P2RX1: variants seen among roughly 807,000 people sequenced by gnomAD.
The protein encoded by P2RX1 is P2X purinoceptor 1.
Under a neutral mutation model 50.3 loss-of-function variants are expected in P2RX1, and 42 were observed. The ratio of observed to expected loss-of-function variants is 0.83; its 90% CI spans 0.65 to 1.08. The LOEUF is 1.08. Among genes scored for constraint, P2RX1 ranks in the 50% least tolerant of loss-of-function variants. The pLI is 0.00. For missense variants in P2RX1, 449 were observed against 529.0 expected (o/e 0.85, Z 1.48); for synonymous variants, 199 against 202.6 (o/e 0.98, Z 0.15).
At chr17:3,913,412 C>T (rs951496826) in intron 1 of P2RX1, among the ~76,000 whole-genome samples, 6 of 152,198 alleles carry the variant, frequency 3.9e-5, no homozygotes, top group Non-Finnish European at 7.3e-5. Context: ...CAGGCATGAG[C>T]CACTGTGCCC....
At chr17:3,901,772 G>A (rs150809429) in intron 7 of P2RX1, among the ~76,000 whole-genome samples, 12 of 152,132 alleles carry the variant, frequency 7.9e-5, no homozygotes, top group Middle Eastern at 3.4e-3. Context: ...GCCAGGCAGC[G>A]AGGCACGCCA....
chr17:3,915,909 G>T, intron 1 of P2RX1, 180 bp downstream of exon 1: 1 of 795,810 alleles, frequency 1.3e-6, no homozygotes, highest in Non-Finnish European at 2.1e-6. Context: ...CTCCGGCCTC[G>T]TCCCCATCTC....
At position 3,914,640 on chromosome 17, in the gene P2RX1, G is replaced by GGCCC. The variant is rs1193785157; in HGVS notation, c.137+1445_137+1448dup. Among the ~76,000 whole-genome samples the GGCCC allele has an allele frequency of 9.9e-5, 15 of 152,134 alleles. No homozygotes were observed. The highest frequency in any genetic ancestry group is 2.1e-4 in the Non-Finnish European group (14 of 68,022). ...GGAGTGATACTAAGGGTGGACTTCC[G>GGCCC]GCCCGTCCTGTACCTGGCATCCCAC... is the stretch of plus-strand genomic sequence containing the variant. On this transcript the variant is annotated intron_variant, in intron 1 of 11. Transcript: ENST00000225538. This position sits in a 1 kb window ranked among gnomAD's most constrained non-coding sequence, Gnocchi z 4.1.
At chr17:3,904,110 G>C in intron 4 of P2RX1, 86 bp from the exon 5 acceptor site, 1 of 1,177,478 alleles carries the variant, frequency 8.5e-7, no homozygotes, top group East Asian at 2.4e-5. Flanking sequence ...CCAGTGACGG[G>C]CCACTCAAGC....
At position 3,916,167 on chromosome 17, in the gene P2RX1, C is replaced by CG. The variant is rs35715771; in HGVS notation, c.58dup (p.Arg20ProfsTer7). ...CTTCTTATTACGCACCAGCACCATG[C>CG]GGGGGGTGTCATACTCGAAGAGGAA... On this transcript the variant is annotated frameshift_variant, in exon 1 of 12. Transcript: ENST00000225538. LOFTEE classifies it high-confidence loss of function. The CG allele has an allele frequency of 6.2e-7, 1 of 1,613,432 alleles. No individual in the cohort carries two copies. The highest frequency in any genetic ancestry group is 1.3e-5 in the African/African-American group (1 of 75,046).
chr17:3,908,201 C>T lies in P2RX1; in HGVS notation c.138-2834G>A, dbSNP rs1215354364. ...CGGGGCTGATGCACCTTGGAGCTGC[C>T]GGTCTTGAGGTCGAAGGGAAAGGTC... On this transcript the variant is annotated intron_variant, in intron 1 of 11. Coordinates refer to ENST00000225538, the MANE Select transcript of P2RX1 (RefSeq NM_002558.4). 3.0e-4 allele frequency among the ~76,000 whole-genome samples: 45 copies of T among 152,284 alleles called. 1 individual carries two copies. Among genetic ancestry groups the T allele is most frequent in the African/African-American group, 7.2e-5 (3 of 41,568 alleles).
rs184592924 is a variant in P2RX1 at position 3,901,288 on chromosome 17, C to T, written c.748-1527G>A. 1.8e-3 allele frequency among the ~76,000 whole-genome samples: 278 copies of T among 152,330 alleles called. 2 individuals are homozygous for T. Among genetic ancestry groups the T allele is most frequent in the African/African-American group, 6.0e-3 (249 of 41,576 alleles). On this transcript the variant is annotated intron_variant, in intron 7 of 11. Coordinates refer to ENST00000225538, the MANE Select transcript of P2RX1 (RefSeq NM_002558.4). ...TTCACCGTGTTAGCCAGGATGGTCT[C>T]GATCTCCTGACCTCGTGATCCGCCC...
In P2RX1 at chr17:3,903,374, G is replaced by A. The variant is rs541811452; in HGVS notation, c.606-31C>T. The A allele has an allele frequency of 3.1e-6, 5 of 1,613,564 alleles. No homozygotes were observed. The African/African-American group carries it at 6.7e-5, about 21-fold the overall frequency. On this transcript the variant is annotated intron_variant, in intron 6 of 11. Coordinates refer to ENST00000225538, the MANE Select transcript of P2RX1 (RefSeq NM_002558.4). This position sits in a 1 kb window ranked among gnomAD's most constrained non-coding sequence, Gnocchi z 4.6. ...GGGGTGGAAGGTGTTGACAGCTGCT[G>A]TGTGTCATCCGGGAGGGTGCCCACC...
At chr17:3,904,637 C>G (rs2056224972) in intron 3 of P2RX1, 2 of 627,602 alleles carry the variant, frequency 3.2e-6, no homozygotes, top group East Asian at 5.5e-5. Context: ...GGGGTGGGCA[C>G]GAAGTCTCGG....
In P2RX1 at chr17:3,903,993, G is replaced by A. The variant is rs778602969; in HGVS notation, c.459C>T (p.Asn153=). Residue 153 remains asparagine (N), a synonymous_variant, in exon 5 of 12, where the codon AAC becomes AAT. Transcript: ENST00000225538. This position sits in a 1 kb window ranked among gnomAD's most constrained non-coding sequence, Gnocchi z 4.6. ...AGATCTCACACGTCTTCACAGTGTC[G>A]TTGAAGGCCACACACTTGCCCGTGC... The part of the protein sequence containing the change: ...GIRTGKCVAF[N]DTVKTCEIFG... 37 of 1,614,074 alleles carry A rather than the reference G, an allele frequency of 2.3e-5. No individual in the cohort carries two copies. Among genetic ancestry groups the A allele is most frequent in the South Asian group, 1.3e-4 (12 of 91,088 alleles).
chr17:3,902,004 C>T (rs1237195504), intron 7 of P2RX1, among the ~76,000 whole-genome samples: 2 of 152,222 alleles, frequency 1.3e-5, no homozygotes, highest in Non-Finnish European at 2.9e-5. Context: ...GATTTGAACC[C>T]GGTCAGCTAG....
At chr17:3,901,048 G>C (rs1672930161) in intron 7 of P2RX1, among the ~76,000 whole-genome samples, 1 of 152,128 alleles carries the variant, frequency 6.6e-6, no homozygotes, top group Non-Finnish European at 1.5e-5. Context: ...GAAGTTCCCA[G>C]TTGAAGATGG....
At position 3,905,087 on chromosome 17, in the gene P2RX1, G is replaced by A. The variant is rs2056237172; in HGVS notation, c.285+133C>T. The A allele has an allele frequency of 7.7e-6, 10 of 1,302,852 alleles. No individual in the cohort carries two copies. The South Asian group carries it at 1.3e-4, about 16-fold the overall frequency. The allele number at this position is 1,302,852 out of a possible 1,614,324, so 80.7% of individuals were successfully genotyped here. ...CAACATGGGGTGATATCACCAGGCTGCTTCTGCCCGGCATTCACAGAGGTC... is the reference window on the plus strand; with the variant it reads ...CAACATGGGGTGATATCACCAGGCTACTTCTGCCCGGCATTCACAGAGGTC... On this transcript the variant is annotated intron_variant, in intron 2 of 11. Transcript: ENST00000225538.
chr17:3,916,270 T>C lies in P2RX1; in HGVS notation c.-45A>G, dbSNP rs758276857. The C allele has an allele frequency of 2.5e-6, 4 of 1,603,042 alleles. No homozygotes were observed. Among genetic ancestry groups the C allele is most frequent in the Non-Finnish European group, 2.6e-6 (3 of 1,174,098 alleles). On this transcript the variant is annotated 5_prime_UTR_variant, in exon 1 of 12. Transcript: ENST00000225538. ...AGAACTGAGCCCCCTGCACGGCCTC[T>C]GCTCTCAGGGTGAGCCGGGTGCCAC... is the stretch of plus-strand genomic sequence containing the variant.
At position 3,914,153 on chromosome 17, in the gene P2RX1, C is replaced by T. The variant is rs1354892389; in HGVS notation, c.137+1936G>A. Among the ~76,000 whole-genome samples the T allele has an allele frequency of 6.6e-6, 1 of 152,196 alleles. No homozygotes were observed. The highest frequency in any genetic ancestry group is 1.5e-5 in the Non-Finnish European group (1 of 68,044). ...TGTGACGTGGGCAGGCCAGTGCCCT[C>T]TCTCTGAGGAGGTTGCCTTTCCAGA... On this transcript the variant is annotated intron_variant, in intron 1 of 11. Transcript: ENST00000225538. The surrounding 1 kb of genome is among the most constrained non-coding windows in gnomAD (Gnocchi z 4.1).
rs375360882 is a variant in P2RX1, at chr17:3,898,994, G to A, written c.906C>T (p.Thr302=). 4 of 1,613,230 alleles carry A rather than the reference G, an allele frequency of 2.5e-6. No homozygotes were observed. The highest frequency in any genetic ancestry group is 3.4e-6 in the Non-Finnish European group (4 of 1,179,796). ...ACACCTTGAAGAGGTGACGGTAGTT[G>A]GTCCCGTTCTCCACAAAGTGCCTGG... ...RFARHFVENG[T]NYRHLFKVFG... Residue 302 remains threonine (T), a synonymous_variant, in exon 9 of 12, where the codon ACC becomes ACT. Transcript: ENST00000225538.
chr17:3,897,402 T>C lies in P2RX1; in HGVS notation c.*412A>G. On this transcript the variant is annotated 3_prime_UTR_variant, in exon 12 of 12. Coordinates refer to ENST00000225538, the MANE Select transcript of P2RX1 (RefSeq NM_002558.4). ...TTCAGCCGAGGAATTGAATTTTGTGTTTCATTCTATTTTATTTTAGTTTAA... is the reference window on the plus strand; with the variant it reads ...TTCAGCCGAGGAATTGAATTTTGTGCTTCATTCTATTTTATTTTAGTTTAA... 3.6e-6 allele frequency: 1 copy of C among 276,638 alleles called. No homozygotes were observed. Among genetic ancestry groups the C allele is most frequent in the Non-Finnish European group, 7.2e-6 (1 of 138,984 alleles). The allele number at this position is 276,638 out of a possible 1,614,324, so 17.1% of individuals were successfully genotyped here. A position where few individuals can be genotyped will look rare whatever the true frequency, so the allele number is the denominator to read the frequency against.
At position 3,899,027 on chromosome 17, in the gene P2RX1, TG is replaced by T; in HGVS notation, c.876-4del. ...TCTCCACAAAGTGCCTGGCAAACCT[TG>T]GGGAAGGGATGAGGTGGCAGGAGGG... On this transcript the variant is annotated splice_region_variant and splice_polypyrimidine_tract_variant and intron_variant, in intron 8 of 11. Coordinates refer to ENST00000225538, the MANE Select transcript of P2RX1 (RefSeq NM_002558.4). 2.5e-6 allele frequency: 4 copies of T among 1,609,712 alleles called. No homozygotes were observed. Among genetic ancestry groups the T allele is most frequent in the Non-Finnish European group, 3.4e-6 (4 of 1,177,216 alleles).
chr17:3,902,326 C>T (rs2143987710), intron 7 of P2RX1, among the ~76,000 whole-genome samples: 1 of 151,414 alleles, frequency 6.6e-6, no homozygotes, highest in South Asian at 2.1e-4. Flanking sequence ...CAGAGTCTTG[C>T]TCTGTCCCCG....
Sources: gnomAD v4.1 joint callset for allele counts (sites outside exome capture counted in the v4.1 genomes callset) on GRCh38, gnomAD v4.1.1 for gene constraint, Gnocchi (gnomAD v3.1) non-coding constraint, MANE v1.5 for transcripts, NCBI Gene and HGNC (gene_info 2026-07-23, HGNC 2026-07-21) for gene names.